The following ENTREP2 variants were observed in gnomAD, a reference collection of about 807,000 sequenced individuals.
The protein encoded by ENTREP2 is endosomal transmembrane epsin interactor 2, also known as protein ENTREP2.
At chr15:29,365,499 T>TTGATCG in the ENTREP2 span, among the ~76,000 whole-genome samples, 1 of 152,054 alleles carries the variant, frequency 6.6e-6, no homozygotes, top group Non-Finnish European at 1.5e-5. Flanking sequence ...GTGATCCACC[T>TTGATCG]GCCTCGGCTC....
the ENTREP2 span, among the ~76,000 whole-genome samples, chr15:29,350,516 TTTGA>T: frequency 1.1e-4 from 16 of 152,236 alleles, no homozygotes; most frequent in South Asian, 2.1e-4. Context: ...ATGCATTTAC[TTTGA>T]TTAAGAATTT....
the ENTREP2 span, among the ~76,000 whole-genome samples, chr15:29,124,912 A>G: frequency 6.6e-6 from 1 of 152,374 alleles, no homozygotes; most frequent in Non-Finnish European, 1.5e-5. Flanking sequence ...CAGATCAGAC[A>G]GGAACCGCCC....
chr15:29,136,136 T>C, the ENTREP2 span, among the ~76,000 whole-genome samples: 3 of 152,242 alleles, frequency 2.0e-5, no homozygotes, highest in African/African-American at 7.2e-5. Context: ...TCTCTGAGCC[T>C]GTGGCCTCAT....
chr15:29,523,064 G>A, the ENTREP2 span, among the ~76,000 whole-genome samples: 4 of 152,306 alleles, frequency 2.6e-5, no homozygotes, highest in African/African-American at 9.6e-5. Context: ...GGAAAGGCCT[G>A]GGAAGGCCCT....
At chr15:29,333,528 G>A in the ENTREP2 span, among the ~76,000 whole-genome samples, 1 of 152,094 alleles carries the variant, frequency 6.6e-6, no homozygotes, top group African/African-American at 2.4e-5. Context: ...ACCCGGCTTT[G>A]GGGGGACACG....
At chr15:29,317,726 T>C in the ENTREP2 span, among the ~76,000 whole-genome samples, 3 of 152,192 alleles carry the variant, frequency 2.0e-5, no homozygotes, top group Non-Finnish European at 4.4e-5. Flanking sequence ...TACAGGCTCA[T>C]GCAGAATTGA....
At chr15:29,177,338 C>T in the ENTREP2 span, among the ~76,000 whole-genome samples, 1 of 152,200 alleles carries the variant, frequency 6.6e-6, no homozygotes. Flanking sequence ...ATACACTGAA[C>T]AGCAAGACTG....
At chr15:29,471,564 G>A in the ENTREP2 span, among the ~76,000 whole-genome samples, 2 of 152,112 alleles carry the variant, frequency 1.3e-5, no homozygotes, top group East Asian at 3.9e-4. Context: ...GGAATAAAGG[G>A]AGTAGCAAAG....
chr15:29,670,408 G>A, the ENTREP2 span, among the ~76,000 whole-genome samples: 3 of 127,306 alleles, frequency 2.4e-5, no homozygotes, highest in South Asian at 2.5e-4. Flanking sequence ...CCTGAAGGGT[G>A]GGGAAGCTTG....
the ENTREP2 span, among the ~76,000 whole-genome samples, chr15:29,297,886 C>T: frequency 6.6e-6 from 1 of 152,090 alleles, no homozygotes; most frequent in Non-Finnish European, 1.5e-5. Flanking sequence ...AAAAATCCAA[C>T]AAAACAAAAC....
the ENTREP2 span, among the ~76,000 whole-genome samples, chr15:29,567,620 T>C: frequency 4.1e-4 from 63 of 152,098 alleles, no homozygotes; most frequent in Non-Finnish European, 1.8e-4. Flanking sequence ...TGTGTTCCAA[T>C]GGCTAAGGCA....
At chr15:29,354,852 G>A in the ENTREP2 span, among the ~76,000 whole-genome samples, 1 of 152,168 alleles carries the variant, frequency 6.6e-6, no homozygotes, top group African/African-American at 2.4e-5. Flanking sequence ...AATATTTTCT[G>A]TAGAGCAGTA....
At chr15:29,560,482 C>T in the ENTREP2 span, among the ~76,000 whole-genome samples, 1 of 152,130 alleles carries the variant, frequency 6.6e-6, no homozygotes, top group Non-Finnish European at 1.5e-5. Context: ...AGTGAAGCTC[C>T]GCTGGCCCCA....
At chr15:29,215,577 A>AAT in the ENTREP2 span, among the ~76,000 whole-genome samples, 48,444 of 144,518 alleles carry the variant, frequency 0.34, 9,032 homozygotes, top group East Asian at 0.56. Context: ...AAATATATAT[A>AAT]ATATATATAT....
At chr15:29,135,475 C>T in the ENTREP2 span, among the ~76,000 whole-genome samples, 8 of 152,066 alleles carry the variant, frequency 5.3e-5, no homozygotes, top group South Asian at 2.1e-4. The surrounding 1 kb of genome is among the most constrained non-coding windows in gnomAD (Gnocchi z 7.4). Flanking sequence ...CCAGATGTCC[C>T]CATCTCTCTG....
chr15:29,651,809 G>C, the ENTREP2 span, among the ~76,000 whole-genome samples: 1 of 152,242 alleles, frequency 6.6e-6, no homozygotes, highest in Admixed American at 6.5e-5. Context: ...GCCAAGGAGG[G>C]GCTGAGGGCA....
chr15:29,270,553 ACT>A, the ENTREP2 span, among the ~76,000 whole-genome samples: 1 of 152,206 alleles, frequency 6.6e-6, no homozygotes, highest in Non-Finnish European at 1.5e-5. Flanking sequence ...ACAAACGTGC[ACT>A]CTCAAGAGAT....
the ENTREP2 span, among the ~76,000 whole-genome samples, chr15:29,443,080 T>C: frequency 6.6e-6 from 1 of 152,252 alleles, no homozygotes; most frequent in Non-Finnish European, 1.5e-5. Context: ...TGCAGATTTA[T>C]GATCGGCACC....
At chr15:29,377,966 G>T in the ENTREP2 span, among the ~76,000 whole-genome samples, 1 of 151,566 alleles carries the variant, frequency 6.6e-6, no homozygotes, top group African/African-American at 2.4e-5. Context: ...GTAGGCGGTG[G>T]TGTCATCAAC....
Sources: allele counts gnomAD v4.1 joint callset (sites outside exome capture counted in the v4.1 genomes callset), GRCh38; gene constraint gnomAD v4.1.1; non-coding constraint Gnocchi (gnomAD v3.1); transcripts MANE v1.5; gene names NCBI Gene and HGNC (gene_info 2026-07-23, HGNC 2026-07-21).